The following PTPRD variants were observed in gnomAD, a reference collection of about 807,000 sequenced individuals.
The protein encoded by PTPRD is protein tyrosine phosphatase receptor type D.
Under a neutral mutation model 214.5 loss-of-function variants are expected in PTPRD, and 34 were observed. The ratio of observed to expected loss-of-function variants is 0.16; its 90% confidence interval spans 0.12 to 0.21. The LOEUF is 0.21. Among genes scored for constraint, PTPRD ranks in the 10% least tolerant of loss-of-function variants. The pLI is 1.00. For synonymous variants in PTPRD, 1,128 were observed against 845.7 expected (o/e 1.33, Z -5.79); for missense variants, 2,545 against 2,398.7 (o/e 1.06, Z -1.27).
At position 8,528,795 on chromosome 9, in the gene PTPRD, T is replaced by C; in HGVS notation, c.353-16A>G. 1 of 1,611,448 alleles carries C rather than the reference T, an allele frequency of 6.2e-7. No homozygotes were observed. ...ATTTGATCTTCTGCAAGACAAAAGG[T>C]GATAGAAACATTCAGTTAATAAGTC... On this transcript the variant is annotated splice_polypyrimidine_tract_variant and intron_variant, in intron 14 of 45. Transcript: ENST00000381196.
chr9:8,779,120 T>A (rs1189946658), intron 11 of PTPRD, among the ~76,000 whole-genome samples: 1 of 152,132 alleles, frequency 6.6e-6, no homozygotes, highest in Admixed American at 6.6e-5. Flanking sequence ...ACTAGTCCCT[T>A]TATACCCTGA....
intron 5 of PTPRD, among the ~76,000 whole-genome samples, chr9:9,936,059 C>T (rs2089241564): frequency 6.8e-6 from 1 of 147,976 alleles, no homozygotes; most frequent in African/African-American, 2.6e-5. Flanking sequence ...CTTCCTTACA[C>T]CTTATACAAA....
At chr9:10,450,170 T>C (rs976773978) in intron 2 of PTPRD, among the ~76,000 whole-genome samples, 3 of 151,734 alleles carry the variant, frequency 2.0e-5, no homozygotes, top group African/African-American at 7.3e-5. Flanking sequence ...TCTGATGACC[T>C]TCCCTCCACT....
intron 4 of PTPRD, among the ~76,000 whole-genome samples, chr9:9,977,767 G>A (rs1423095830): frequency 6.6e-6 from 1 of 152,056 alleles, no homozygotes; most frequent in Admixed American, 6.6e-5. Context: ...AAGAAAGAAG[G>A]GAATTTAGGG....
chr9:8,830,891 T>G (rs866479649), intron 11 of PTPRD, among the ~76,000 whole-genome samples: 6 of 152,196 alleles, frequency 3.9e-5, no homozygotes, highest in African/African-American at 1.4e-4. Context: ...AATTGATTAA[T>G]TATTAGTGAA....
chr9:8,994,455 TCTAA>T (rs2154350232), intron 11 of PTPRD, among the ~76,000 whole-genome samples: 1 of 152,234 alleles, frequency 6.6e-6, no homozygotes, highest in South Asian at 2.1e-4. Flanking sequence ...GAATTTTTAC[TCTAA>T]CAGGTTACTG....
At chr9:10,573,673 C>A (rs1012664179) in intron 2 of PTPRD, among the ~76,000 whole-genome samples, 9 of 152,032 alleles carry the variant, frequency 5.9e-5, no homozygotes, top group African/African-American at 1.9e-4. Flanking sequence ...CTACAGCGCA[C>A]CTGGACTCTT....
At chr9:9,103,416 T>G (rs937868697) in intron 10 of PTPRD, among the ~76,000 whole-genome samples, 1 of 152,074 alleles carries the variant, frequency 6.6e-6, no homozygotes, top group Admixed American at 6.6e-5. Context: ...ATGAAAAAAT[T>G]TTCGTAAGTA....
chr9:10,145,240 C>T (rs2099014264), intron 3 of PTPRD, among the ~76,000 whole-genome samples: 2 of 152,060 alleles, frequency 1.3e-5, no homozygotes, highest in African/African-American at 4.8e-5. Context: ...CATATAATTT[C>T]AGGCAGATTA....
chr9:9,884,742 G>A (rs1600861600), intron 5 of PTPRD, among the ~76,000 whole-genome samples: 1 of 152,140 alleles, frequency 6.6e-6, no homozygotes, highest in Non-Finnish European at 1.5e-5. Flanking sequence ...TCATGATAGT[G>A]AGTAAGTTTT....
intron 11 of PTPRD, among the ~76,000 whole-genome samples, chr9:8,992,661 C>A (rs538561147): frequency 7.9e-5 from 12 of 152,152 alleles, no homozygotes; most frequent in Admixed American, 3.9e-4. Flanking sequence ...AAACTGTGCT[C>A]AAAAATCTAG....
rs532798228 is a variant in PTPRD at position 9,591,416 on chromosome 9, G to T, written c.-286-16635C>A. Among the ~76,000 whole-genome samples the T allele has an allele frequency of 3.3e-5, 5 of 152,108 alleles. No individual in the cohort carries two copies. In the South Asian group the frequency reaches 1.0e-3, roughly 32 times the overall value. ...GCTTAGAAGCGGATTCATTCTTACA[G>T]CCTCCAGGGAGGAACACAACACTGC... On this transcript the variant is annotated intron_variant, in intron 7 of 45. Transcript: ENST00000381196.
At chr9:9,228,152 T>C (rs913790596) in intron 9 of PTPRD, among the ~76,000 whole-genome samples, 1 of 152,128 alleles carries the variant, frequency 6.6e-6, no homozygotes, top group Admixed American at 6.6e-5. Flanking sequence ...ATTTCTAAGG[T>C]ATCACTTGCT....
At chr9:10,097,071 G>T (rs1313430945) in intron 3 of PTPRD, among the ~76,000 whole-genome samples, 1 of 150,908 alleles carries the variant, frequency 6.6e-6, no homozygotes, top group African/African-American at 2.4e-5. Context: ...TATTTCTGAG[G>T]GCTCTGTTCT....
At chr9:9,947,556 T>C (rs1316222536) in intron 4 of PTPRD, among the ~76,000 whole-genome samples, 1 of 43,404 alleles carries the variant, frequency 2.3e-5, no homozygotes, top group Non-Finnish European at 3.6e-5. Flanking sequence ...ATATATTATA[T>C]ATATATTTTA....
chr9:8,879,552 A>G (rs937304432), intron 11 of PTPRD, among the ~76,000 whole-genome samples: 1 of 152,150 alleles, frequency 6.6e-6, no homozygotes, highest in African/African-American at 2.4e-5. Context: ...CCTGGTTGTT[A>G]TTTTAGTATT....
intron 3 of PTPRD, among the ~76,000 whole-genome samples, chr9:10,091,226 T>A (rs1311694876): frequency 6.6e-6 from 1 of 151,614 alleles, no homozygotes; most frequent in Admixed American, 6.6e-5. Context: ...TTTGAGATAA[T>A]CTTTTAACTC....
intron 7 of PTPRD, among the ~76,000 whole-genome samples, chr9:9,585,477 T>C (rs568190448): frequency 5.3e-5 from 8 of 152,202 alleles, no homozygotes; most frequent in African/African-American, 1.9e-4. Context: ...TCTTGGTAGA[T>C]ATTTCTAACT....
intron 8 of PTPRD, among the ~76,000 whole-genome samples, chr9:9,518,334 G>A (rs909547580): frequency 3.9e-5 from 6 of 152,040 alleles, no homozygotes; most frequent in Non-Finnish European, 8.8e-5. Flanking sequence ...TCTTTTTTAG[G>A]CTACGGGAAG....
Sources: allele counts gnomAD v4.1 joint callset (sites outside exome capture counted in the v4.1 genomes callset), GRCh38; gene constraint gnomAD v4.1.1; transcripts MANE v1.5; gene names NCBI Gene and HGNC (gene_info 2026-07-23, HGNC 2026-07-21).